UBE3D: variants seen among roughly 807,000 people sequenced by gnomAD.
The protein encoded by UBE3D is E3 ubiquitin-protein ligase E3D.
UBE3D carries 48 observed loss-of-function variants against 49.6 expected under a neutral mutation model. The observed-to-expected ratio is 0.97, with a 90% CI of 0.77 to 1.23. The LOEUF (loss-of-function observed/expected upper bound fraction) is 1.23. UBE3D is among the 50% of genes most tolerant of loss of function. UBE3D has a pLI of 0.00. For missense variants in UBE3D, 452 were observed against 468.4 expected (o/e 0.96, Z 0.32); for synonymous variants, 189 against 174.2 (o/e 1.08, Z -0.67).
chr6:82,903,151 C>T (rs73475774), intron 9 of UBE3D, among the ~76,000 whole-genome samples: 6,993 of 152,048 alleles, frequency 0.046, 494 homozygotes, highest in African/African-American at 0.16. Context: ...AAATGATGCA[C>T]GCATTCTTTT....
intron 8 of UBE3D, among the ~76,000 whole-genome samples, chr6:82,975,825 T>C (rs181784354): frequency 2.8e-4 from 43 of 152,290 alleles, no homozygotes; most frequent in Admixed American, 1.2e-3. Flanking sequence ...GCTATAGATA[T>C]TAAAAAATGT....
chr6:82,898,843 A>T (rs1041629069), intron 9 of UBE3D, among the ~76,000 whole-genome samples: 4 of 152,124 alleles, frequency 2.6e-5, no homozygotes, highest in Non-Finnish European at 4.4e-5. Context: ...AATTTTTTTT[A>T]AAGATATTTC....
chr6:82,989,785 T>A (rs1322363921), intron 8 of UBE3D, among the ~76,000 whole-genome samples: 1 of 151,512 alleles, frequency 6.6e-6, no homozygotes, highest in African/African-American at 2.4e-5. Flanking sequence ...CTTCAAAAAA[T>A]ACACATCAAT....
chr6:83,026,540 A>T (rs1055804764), intron 5 of UBE3D, among the ~76,000 whole-genome samples: 2 of 152,010 alleles, frequency 1.3e-5, no homozygotes, highest in African/African-American at 4.8e-5. Flanking sequence ...ACAGAAAGGT[A>T]AAAAAAATAA....
intron 9 of UBE3D, among the ~76,000 whole-genome samples, chr6:82,935,523 T>C (rs1165889627): frequency 6.6e-6 from 1 of 152,178 alleles, no homozygotes; most frequent in Non-Finnish European, 1.5e-5. Context: ...TAATAGCTGA[T>C]CATTTTATAG....
At chr6:82,907,592 G>T (rs544363837) in intron 9 of UBE3D, among the ~76,000 whole-genome samples, 1 of 152,240 alleles carries the variant, frequency 6.6e-6, no homozygotes, top group Admixed American at 6.5e-5. Context: ...TAAAGCACAT[G>T]AAAAGGTGCT....
chr6:83,030,258 T>C (rs1379675868), intron 5 of UBE3D, among the ~76,000 whole-genome samples: 1 of 152,106 alleles, frequency 6.6e-6, no homozygotes, highest in Non-Finnish European at 1.5e-5. Flanking sequence ...TCCACCCAAA[T>C]CTCATCTTAA....
intron 8 of UBE3D, among the ~76,000 whole-genome samples, chr6:83,001,804 C>T (rs953903825): frequency 1.3e-5 from 2 of 152,166 alleles, no homozygotes; most frequent in African/African-American, 4.8e-5. Flanking sequence ...ACCATTCTAA[C>T]AATTAGAAAT....
chr6:83,000,565 C>T (rs955545372), intron 8 of UBE3D, among the ~76,000 whole-genome samples: 2 of 152,222 alleles, frequency 1.3e-5, no homozygotes, highest in Admixed American at 6.5e-5. Flanking sequence ...CCAGAACAAT[C>T]TTCCTGAAGC....
chr6:82,993,553 C>T (rs960426389), intron 8 of UBE3D, among the ~76,000 whole-genome samples: 8 of 152,178 alleles, frequency 5.3e-5, no homozygotes, highest in Non-Finnish European at 8.8e-5. Flanking sequence ...ACAATGCCTA[C>T]ACATCACTTC....
intron 9 of UBE3D, among the ~76,000 whole-genome samples, chr6:82,919,959 C>T (rs551680110): frequency 6.6e-6 from 1 of 152,316 alleles, no homozygotes; most frequent in South Asian, 2.1e-4. Flanking sequence ...GAAAACACTA[C>T]TTGAGAAAAC....
intron 8 of UBE3D, among the ~76,000 whole-genome samples, chr6:83,012,831 G>A (rs569069405): frequency 1.3e-5 from 2 of 152,304 alleles, no homozygotes; most frequent in African/African-American, 2.4e-5. Context: ...TGCCCACTGG[G>A]AAAAGTTCCC....
intron 8 of UBE3D, among the ~76,000 whole-genome samples, chr6:82,974,995 A>T (rs1462136105): frequency 6.6e-6 from 1 of 152,132 alleles, no homozygotes; most frequent in Non-Finnish European, 1.5e-5. Context: ...TTTTTATTTT[A>T]AAATAACAAA....
intron 4 of UBE3D, among the ~76,000 whole-genome samples, chr6:83,040,709 T>G (rs1782612641): frequency 6.6e-6 from 1 of 152,224 alleles, no homozygotes; most frequent in Non-Finnish European, 1.5e-5. Context: ...ATGAACTTCA[T>G]AAGTCAGTTC....
chr6:83,059,896 G>A (rs1292210799), intron 1 of UBE3D, among the ~76,000 whole-genome samples: 1 of 152,154 alleles, frequency 6.6e-6, no homozygotes, highest in Non-Finnish European at 1.5e-5. Flanking sequence ...AGGTGAGGAG[G>A]AAATCTGAAC....
intron 8 of UBE3D, among the ~76,000 whole-genome samples, chr6:82,995,204 G>A (rs1258112190): frequency 6.6e-6 from 1 of 152,158 alleles, no homozygotes; most frequent in African/African-American, 2.4e-5. Context: ...CATGAATAAT[G>A]CCAAACGCTA....
the UBE3D span, among the ~76,000 whole-genome samples, chr6:82,884,772 G>C: frequency 6.6e-6 from 1 of 152,280 alleles, no homozygotes; most frequent in Middle Eastern, 3.4e-3. Flanking sequence ...AAATGCATGG[G>C]GAAATACGAA....
At chr6:82,986,219 T>A (rs889749800) in intron 8 of UBE3D, among the ~76,000 whole-genome samples, 1 of 152,050 alleles carries the variant, frequency 6.6e-6, no homozygotes, top group African/African-American at 2.4e-5. Context: ...ATGCCTGTAA[T>A]CCCAGCACTT....
At chr6:83,002,719 G>A (rs1779720180) in intron 8 of UBE3D, among the ~76,000 whole-genome samples, 1 of 152,152 alleles carries the variant, frequency 6.6e-6, no homozygotes, top group Non-Finnish European at 1.5e-5. Flanking sequence ...GGGGCTAGCT[G>A]GGCCCTTTTG....
Sources: gnomAD v4.1 joint callset for allele counts (sites outside exome capture counted in the v4.1 genomes callset) on GRCh38, gnomAD v4.1.1 for gene constraint, MANE v1.5 for transcripts, NCBI Gene and HGNC (gene_info 2026-07-23, HGNC 2026-07-21) for gene names.